Variants in FSIP1 observed in about 807,000 individuals in gnomAD.
FSIP1 encodes the protein fibrous sheath-interacting protein 1.
A neutral mutation model predicts 60.9 loss-of-function variants in FSIP1; 65 were observed. That is an observed-to-expected ratio of 1.07 (90% CI 0.87 to 1.31). The LOEUF is 1.31. FSIP1 is among the 40% of genes most tolerant of loss of function. The pLI, the probability that FSIP1 is intolerant of heterozygous loss-of-function variation, is 0.00. For synonymous variants in FSIP1, 209 were observed against 221.2 expected, an observed-to-expected ratio of 0.94 and a Z score of 0.49; for missense variants, 675 against 665.5, an observed-to-expected ratio of 1.01 and a Z score of -0.16.
chr15:39,779,094 G>A (rs1898160486), intron 1 of FSIP1, among the ~76,000 whole-genome samples: 1 of 148,658 alleles, frequency 6.7e-6, no homozygotes, highest in African/African-American at 2.5e-5. Context: ...GGAAATAAAT[G>A]CAACAAAGAT....
intron 10 of FSIP1, among the ~76,000 whole-genome samples, chr15:39,693,923 A>T (rs912689499): frequency 6.6e-6 from 1 of 152,182 alleles, no homozygotes; most frequent in African/African-American, 2.4e-5. Context: ...AGAAGAATAG[A>T]TTTTAAATAT....
At chr15:39,612,656 CA>C (rs1270563396) in intron 11 of FSIP1, among the ~76,000 whole-genome samples, 1 of 151,814 alleles carries the variant, frequency 6.6e-6, no homozygotes, top group Non-Finnish European at 1.5e-5. Context: ...CCAAAATAAA[CA>C]AAATGGAGAC....
intron 11 of FSIP1, chr15:39,602,304 A>G (rs1419667543): frequency 6.6e-6 from 3 of 456,244 alleles, no homozygotes; most frequent in Non-Finnish European, 1.3e-5. Flanking sequence ...CATAGCCAGG[A>G]GAAGCTGGAA....
intron 6 of FSIP1, 104 bp downstream of exon 6, chr15:39,741,701 A>C (rs1157086956): frequency 1.6e-6 from 1 of 630,440 alleles, no homozygotes; most frequent in Non-Finnish European, 2.8e-6. Flanking sequence ...GCTTCCACTT[A>C]CCTTTGGATT....
intron 3 of FSIP1, 85 bp downstream of exon 3, chr15:39,770,342 T>C: frequency 1.0e-6 from 1 of 1,000,434 alleles, no homozygotes; most frequent in Non-Finnish European, 1.4e-6. Flanking sequence ...AAAACACAGG[T>C]AATACTAACA....
intron 10 of FSIP1, among the ~76,000 whole-genome samples, chr15:39,654,657 T>C (rs1212489881): frequency 6.6e-6 from 1 of 152,222 alleles, no homozygotes; most frequent in East Asian, 1.9e-4. Context: ...CTCTCAGATA[T>C]AACACGTATA....
At chr15:39,762,809 G>A (rs888502785) in intron 5 of FSIP1, among the ~76,000 whole-genome samples, 2 of 152,158 alleles carry the variant, frequency 1.3e-5, no homozygotes, top group Non-Finnish European at 2.9e-5. Context: ...GGGAAACATG[G>A]ACTCCATCTC....
chr15:39,730,852 A>G (rs928508146), intron 8 of FSIP1, among the ~76,000 whole-genome samples: 1 of 152,222 alleles, frequency 6.6e-6, no homozygotes, highest in East Asian at 1.9e-4. Context: ...CTGCGGAGCC[A>G]CAGCAGCCAG....
intron 10 of FSIP1, among the ~76,000 whole-genome samples, chr15:39,708,791 C>T (rs371568302): frequency 2.0e-5 from 3 of 152,224 alleles, no homozygotes; most frequent in African/African-American, 7.2e-5. Flanking sequence ...TGTTGACTCA[C>T]ACTAAGGAAA....
chr15:39,734,595 T>C (rs1307580588), intron 8 of FSIP1, among the ~76,000 whole-genome samples: 1 of 152,118 alleles, frequency 6.6e-6, no homozygotes, highest in Non-Finnish European at 1.5e-5. Context: ...ATTATTGAAG[T>C]TGAAAAGAAA....
At chr15:39,622,147 G>A (rs1891462151) in intron 10 of FSIP1, among the ~76,000 whole-genome samples, 1 of 148,532 alleles carries the variant, frequency 6.7e-6, no homozygotes, top group African/African-American at 2.5e-5. Flanking sequence ...TCACTGTGCA[G>A]GCACTGTCAA....
intron 11 of FSIP1, among the ~76,000 whole-genome samples, chr15:39,605,982 C>G (rs1178227605): frequency 6.6e-6 from 1 of 152,238 alleles, no homozygotes; most frequent in Non-Finnish European, 1.5e-5. Flanking sequence ...GTCTTCCCTA[C>G]CCAGAACCCA....
intron 10 of FSIP1, among the ~76,000 whole-genome samples, chr15:39,684,962 G>A (rs1028517110): frequency 6.6e-6 from 1 of 152,182 alleles, no homozygotes; most frequent in Non-Finnish European, 1.5e-5. Context: ...TCAAACACAG[G>A]CAATCTGGCT....
intron 9 of FSIP1, among the ~76,000 whole-genome samples, chr15:39,718,349 G>A (rs975118873): frequency 2.0e-5 from 3 of 151,888 alleles, no homozygotes; most frequent in African/African-American, 7.3e-5. Flanking sequence ...TAGTCTGTGT[G>A]CGTATAGAGA....
chr15:39,704,795 G>A (rs1418475364), intron 10 of FSIP1, among the ~76,000 whole-genome samples: 1 of 152,148 alleles, frequency 6.6e-6, no homozygotes, highest in African/African-American at 2.4e-5. Flanking sequence ...GCTTATATCA[G>A]GTTAAATGAC....
intron 10 of FSIP1, among the ~76,000 whole-genome samples, chr15:39,629,032 C>G (rs771658898): frequency 6.6e-6 from 1 of 152,190 alleles, no homozygotes; most frequent in African/African-American, 2.4e-5. Flanking sequence ...GCAGCAGCAG[C>G]CAGATGGCCT....
chr15:39,756,759 T>C (rs111241251), intron 5 of FSIP1, among the ~76,000 whole-genome samples: 2,426 of 152,268 alleles, frequency 0.016, 81 homozygotes, highest in African/African-American at 0.055. Flanking sequence ...TTTGGGTATA[T>C]TGATAGGTAT....
intron 10 of FSIP1, among the ~76,000 whole-genome samples, chr15:39,629,632 C>T (rs117084869): frequency 2.6e-4 from 40 of 152,334 alleles, no homozygotes; most frequent in Non-Finnish European, 3.8e-4. Flanking sequence ...GTTGCCCTCA[C>T]ATCAAATCCT....
intron 10 of FSIP1, among the ~76,000 whole-genome samples, chr15:39,642,853 T>C (rs1297439469): frequency 6.6e-6 from 1 of 152,234 alleles, no homozygotes; most frequent in African/African-American, 2.4e-5. Context: ...CACTGGTTAT[T>C]GTCATTGTGT....
Sources: gnomAD v4.1 joint callset for allele counts (sites outside exome capture counted in the v4.1 genomes callset) on GRCh38, gnomAD v4.1.1 for gene constraint, MANE v1.5 for transcripts, NCBI Gene and HGNC (gene_info 2026-07-23, HGNC 2026-07-21) for gene names.